AFDN: variants seen among roughly 807,000 people sequenced by gnomAD.
AFDN encodes the protein afadin, adherens junction formation factor, also known as afadin.
AFDN carries 68 observed loss-of-function variants against 216.6 expected under a neutral mutation model. The ratio of observed to expected loss-of-function variants is 0.31; its 90% CI spans 0.26 to 0.38. The LOEUF (loss-of-function observed/expected upper bound fraction) is 0.38, where lower values mean the gene tolerates loss of function less well. Among genes scored for constraint, AFDN ranks in the 10% least tolerant of loss-of-function variants. AFDN has a pLI of 1.00. For missense variants in AFDN, 2,136 were observed against 2,342.0 expected (o/e 0.91, Z 1.82); for synonymous variants, 868 against 853.7 (o/e 1.02, Z -0.29).
intron 1 of AFDN, among the ~76,000 whole-genome samples, chr6:167,832,224 C>T (rs187648267): frequency 1.2e-4 from 18 of 152,306 alleles, no homozygotes; most frequent in Non-Finnish European, 2.5e-4. Flanking sequence ...TTAACCAGTT[C>T]TGGGCATGTC....
intron 4 of AFDN, among the ~76,000 whole-genome samples, chr6:167,873,213 G>C (rs1443741048): frequency 6.6e-6 from 1 of 152,150 alleles, no homozygotes; most frequent in African/African-American, 2.4e-5. Flanking sequence ...GAACTCACCT[G>C]TCATCACATG....
intron 1 of AFDN, among the ~76,000 whole-genome samples, chr6:167,829,244 A>T (rs1185093071): frequency 6.6e-6 from 1 of 152,146 alleles, no homozygotes; most frequent in South Asian, 2.1e-4. Flanking sequence ...CTTTTTTACT[A>T]TATAGTGGCT....
At position 167,915,148 on chromosome 6, in the gene AFDN, C is replaced by T. The variant is rs746455599; in HGVS notation, c.2300-20C>T. ...TGGATGACATTTTGCTCCTCTTGTCCTCTCACCCTGTCTGGGCAGATGATG... is the reference window on the plus strand; with the variant it reads ...TGGATGACATTTTGCTCCTCTTGTCTTCTCACCCTGTCTGGGCAGATGATG... On this transcript the variant is annotated intron_variant, in intron 18 of 33. Transcript: ENST00000683244. 6.2e-7 allele frequency: 1 copy of T among 1,612,448 alleles called. No individual in the cohort carries two copies. Among genetic ancestry groups the T allele is most frequent in the South Asian group, 1.1e-5 (1 of 90,894 alleles).
intron 1 of AFDN, among the ~76,000 whole-genome samples, chr6:167,838,636 C>A (rs1368866533): frequency 2.0e-5 from 3 of 152,214 alleles, no homozygotes; most frequent in Admixed American, 6.5e-5. Flanking sequence ...CAAATACTTG[C>A]ATTTCCAAAT....
At position 167,958,472 on chromosome 6, in the gene AFDN, A is replaced by G. The variant is rs1048603625; in HGVS notation, c.4834-3961A>G. On this transcript the variant is annotated intron_variant, in intron 30 of 33. Coordinates refer to ENST00000683244, the MANE Select transcript of AFDN (RefSeq NM_001386888.1). ...GTAGTGGCAGGAACCATTTTCTCGA[A>G]ATTTACTTGGTTTGACAAATCTCTC... 3.0e-4 allele frequency among the ~76,000 whole-genome samples: 45 copies of G among 152,238 alleles called. 1 individual carries two copies. Among genetic ancestry groups the G allele is most frequent in the South Asian group, 4.2e-4 (2 of 4,818 alleles).
chr6:167,929,419 A>G (rs1792995161), intron 23 of AFDN, among the ~76,000 whole-genome samples: 1 of 152,188 alleles, frequency 6.6e-6, no homozygotes, highest in African/African-American at 2.4e-5. Context: ...TGGACCTTTC[A>G]CCAGCTGAAG....
At chr6:167,907,498 T>C (rs1039559383) in intron 13 of AFDN, among the ~76,000 whole-genome samples, 1 of 152,196 alleles carries the variant, frequency 6.6e-6, no homozygotes, top group Non-Finnish European at 1.5e-5. Context: ...CACAGTGTTA[T>C]CAGATTGAAA....
intron 12 of AFDN, among the ~76,000 whole-genome samples, chr6:167,902,845 TA>T (rs1354637159): frequency 6.6e-6 from 1 of 152,212 alleles, no homozygotes; most frequent in Non-Finnish European, 1.5e-5. Flanking sequence ...AACATCTTTG[TA>T]AAAACAGACT....
Position 167,875,469 on chromosome 6 carries a change from G to A in AFDN, c.713G>A (p.Arg238Gln). Reference sequence around the variant, plus strand: ...TTGGAAAAGAGAATGCAGGAATTTCGGAGCTCAGATGGGCGGCCTGATTCA... The same window carrying A: ...TTGGAAAAGAGAATGCAGGAATTTCAGAGCTCAGATGGGCGGCCTGATTCA... The part of the protein sequence containing the change: ...QKLEKRMQEF[R>Q]SSDGRPDSGG... The change falls in exon 5 of 34, where the codon CGG (arginine) becomes CAG (glutamine). Residue 238 changes from arginine (R) to glutamine (Q), a missense_variant. By Grantham distance (43) the Arg-to-Gln change is conservative. Around this residue, in one of 8 missense-constraint regions of AFDN, gnomAD observed 817 missense variants for 965.7 expected, o/e 0.85. Coordinates refer to ENST00000683244, the MANE Select transcript of AFDN (RefSeq NM_001386888.1). 3.1e-6 allele frequency: 5 copies of A among 1,613,872 alleles called. No individual in the cohort carries two copies. Among genetic ancestry groups the A allele is most frequent in the African/African-American group, 1.3e-5 (1 of 74,994 alleles).
chr6:167,923,551 T>C (rs1792092540), intron 22 of AFDN, among the ~76,000 whole-genome samples: 1 of 152,088 alleles, frequency 6.6e-6, no homozygotes, highest in South Asian at 2.1e-4. Context: ...TTGAATTAAT[T>C]GATGATCGTT....
intron 2 of AFDN, among the ~76,000 whole-genome samples, chr6:167,869,327 T>A (rs1019629861): frequency 2.0e-5 from 3 of 152,142 alleles, no homozygotes; most frequent in Non-Finnish European, 2.9e-5. Flanking sequence ...CTGTAACAGA[T>A]GTTTCTGAAA....
chr6:167,834,796 A>G (rs1780236315), intron 1 of AFDN, among the ~76,000 whole-genome samples: 1 of 152,052 alleles, frequency 6.6e-6, no homozygotes, highest in South Asian at 2.1e-4. Context: ...TCTGGGCAAC[A>G]CAGTGAGGTC....
intron 2 of AFDN, among the ~76,000 whole-genome samples, chr6:167,868,210 G>A (rs908501519): frequency 6.6e-6 from 1 of 152,132 alleles, no homozygotes; most frequent in Admixed American, 6.5e-5. Context: ...CTGTTTTCCA[G>A]AGATAGTATC....
At chr6:167,948,885 C>G (rs1332035514) in intron 29 of AFDN, among the ~76,000 whole-genome samples, 10 of 152,194 alleles carry the variant, frequency 6.6e-5, no homozygotes, top group Admixed American at 6.5e-4. Flanking sequence ...GAGGCCCCAG[C>G]AGGGGATGGA....
chr6:167,966,123 T>C, intron 32 of AFDN, 78 bp downstream of exon 32: 1 of 1,535,610 alleles, frequency 6.5e-7, no homozygotes, highest in South Asian at 1.2e-5. Flanking sequence ...GCCACCCCCC[T>C]GCCAGCCACG....
rs749534185 is a variant in AFDN at position 167,893,922 on chromosome 6, CT to C, written c.1222+17del. On this transcript the variant is annotated intron_variant, in intron 9 of 33. Coordinates refer to ENST00000683244, the MANE Select transcript of AFDN (RefSeq NM_001386888.1). ...ACTTACGAAGGTAATGCTATGCTTA[CT>C]ACTACTTTTATAACTAAAGCACTAA... is the stretch of plus-strand genomic sequence containing the variant. 2 of 1,556,942 alleles carry C rather than the reference CT, an allele frequency of 1.3e-6. No individual in the cohort carries two copies. The highest frequency in any genetic ancestry group is 2.3e-5 in the South Asian group (2 of 85,392).
chr6:167,863,378 G>A (rs147879905), intron 1 of AFDN, among the ~76,000 whole-genome samples: 1,549 of 152,316 alleles, frequency 0.01, 27 homozygotes, highest in African/African-American at 0.036. Flanking sequence ...GTCAAAAAGA[G>A]GCTAGTGGAT....
chr6:167,925,545 CT>C (rs1164523854), intron 23 of AFDN, among the ~76,000 whole-genome samples: 1 of 152,208 alleles, frequency 6.6e-6, no homozygotes, highest in Admixed American at 6.5e-5. Context: ...ATTTCTGGTT[CT>C]CATTTCCAGG....
chr6:167,919,703 A>C (rs1791539751), intron 21 of AFDN, among the ~76,000 whole-genome samples: 1 of 152,238 alleles, frequency 6.6e-6, no homozygotes, highest in African/African-American at 2.4e-5. Context: ...TTTTCTTGTG[A>C]TCTGTACTGA....
Sources: allele counts gnomAD v4.1 joint callset (sites outside exome capture counted in the v4.1 genomes callset), GRCh38; gene constraint gnomAD v4.1.1; regional missense constraint gnomAD v4.1.1; transcripts MANE v1.5; gene names NCBI Gene and HGNC (gene_info 2026-07-23, HGNC 2026-07-21).